The following EIF3L variants were observed in gnomAD, a reference collection of about 807,000 sequenced individuals.
EIF3L encodes eukaryotic translation initiation factor 3 subunit L.
Under a neutral mutation model 74.6 loss-of-function variants are expected in EIF3L, and 32 were observed. The ratio of observed to expected loss-of-function variants is 0.43; its 90% CI spans 0.32 to 0.58. The LOEUF (loss-of-function observed/expected upper bound fraction) is 0.58. Among genes scored for constraint, EIF3L ranks in the 20% least tolerant of loss-of-function variants. The pLI, the probability that EIF3L is intolerant of heterozygous loss-of-function variation, is 0.06. For missense variants in EIF3L, 474 were observed against 707.8 expected (o/e 0.67, Z 3.75); for synonymous variants, 256 against 254.4 (o/e 1.01, Z -0.06).
chr22:37,871,800 C>T (rs1926485987), intron 8 of EIF3L, among the ~76,000 whole-genome samples: 3 of 143,536 alleles, frequency 2.1e-5, no homozygotes, highest in Admixed American at 7.5e-5. Flanking sequence ...ACCAGGGAGG[C>T]AGAGGTTGCA....
intron 3 of EIF3L, among the ~76,000 whole-genome samples, chr22:37,852,114 T>C (rs1925260460): frequency 6.6e-6 from 1 of 152,200 alleles, no homozygotes; most frequent in African/African-American, 2.4e-5. Context: ...TGTTGGACTT[T>C]ATATCCTCAG....
At chr22:37,862,545 C>G (rs1229853399) in intron 5 of EIF3L, among the ~76,000 whole-genome samples, 2 of 152,192 alleles carry the variant, frequency 1.3e-5, no homozygotes, top group African/African-American at 4.8e-5. Flanking sequence ...GGCCCCCTGA[C>G]CTAGATGCTT....
At chr22:37,855,517 A>G (rs767188800) in intron 3 of EIF3L, 48 bp from the exon 4 acceptor site, 8 of 1,534,418 alleles carry the variant, frequency 5.2e-6, no homozygotes, top group Non-Finnish European at 6.3e-6. Flanking sequence ...TAGGATTGGC[A>G]TTCTCCAGTC....
At chr22:37,876,172 C>T in intron 10 of EIF3L, 161 bp downstream of exon 10, 2 of 706,810 alleles carry the variant, frequency 2.8e-6, no homozygotes, top group South Asian at 2.0e-5. Flanking sequence ...AATAGATCAC[C>T]CAGCTGGAGT....
chr22:37,872,464 A>G (rs1926527434), intron 8 of EIF3L, among the ~76,000 whole-genome samples: 1 of 152,112 alleles, frequency 6.6e-6, no homozygotes, highest in African/African-American at 2.4e-5. Flanking sequence ...CTGAGTTATA[A>G]AGATCTTCCA....
chr22:37,864,019 C>T (rs893405434), intron 7 of EIF3L, among the ~76,000 whole-genome samples: 1 of 151,822 alleles, frequency 6.6e-6, no homozygotes, highest in Admixed American at 6.6e-5. Context: ...GAGCCAAGAT[C>T]GTGCCACTGC....
Position 37,858,745 on chromosome 22 carries a change from GTATT to G in EIF3L, c.435+8_435+11del. 6.3e-7 allele frequency: 1 copy of G among 1,592,724 alleles called. No individual in the cohort carries two copies. The highest frequency in any genetic ancestry group is 8.5e-7 in the Non-Finnish European group (1 of 1,173,714). On this transcript the variant is annotated splice_donor_region_variant and intron_variant, in intron 5 of 12. Transcript: ENST00000652021. Reference sequence around the variant, plus strand: ...CACATATATGCCAAAGTCAGTGTAAGTATTTAAGTGTCGCAGTTTTTTTTTTGTT... The same window carrying G: ...CACATATATGCCAAAGTCAGTGTAAGTAAGTGTCGCAGTTTTTTTTTTGTT...
chr22:37,873,240 C>T (rs867260874), intron 8 of EIF3L, among the ~76,000 whole-genome samples: 20 of 151,640 alleles, frequency 1.3e-4, no homozygotes, highest in African/African-American at 4.4e-4. Flanking sequence ...ACGTCCGCCT[C>T]GGCCTCCCAA....
chr22:37,858,771 T>C (rs1417204689), intron 5 of EIF3L, 31 bp downstream of exon 5: 2 of 1,575,976 alleles, frequency 1.3e-6, no homozygotes, highest in Non-Finnish European at 8.6e-7. Flanking sequence ...GTTTTTTTTT[T>C]GTTTTTGTTT....
At chr22:37,849,936 C>A in intron 1 of EIF3L, 79 bp from the exon 2 acceptor site, 2 of 1,505,294 alleles carry the variant, frequency 1.3e-6, no homozygotes, top group Non-Finnish European at 1.8e-6. Context: ...TAGCTCTCTG[C>A]TTGGCATCTA....
At chr22:37,888,345 T>A in intron 12 of EIF3L, 81 bp from the exon 13 acceptor site, 1 of 1,477,264 alleles carries the variant, frequency 6.8e-7, no homozygotes, top group South Asian at 1.2e-5. Context: ...CAGCTGGGAA[T>A]CTGACCTAGT....
chr22:37,880,001 C>T (rs920123362), intron 11 of EIF3L: 2 of 152,120 alleles, frequency 1.3e-5, no homozygotes, highest in African/African-American at 4.8e-5. Flanking sequence ...CAGGGTTTCA[C>T]TATGTTGACC....
intron 7 of EIF3L, among the ~76,000 whole-genome samples, chr22:37,867,385 G>A (rs868017832): frequency 1.3e-5 from 2 of 152,078 alleles, no homozygotes; most frequent in African/African-American, 4.8e-5. Flanking sequence ...CTGGCCGGGC[G>A]CAGTGGCTCA....
intron 3 of EIF3L, among the ~76,000 whole-genome samples, chr22:37,854,799 T>G (rs1601753704): frequency 6.6e-6 from 1 of 152,266 alleles, no homozygotes; most frequent in African/African-American, 2.4e-5. Context: ...TCTGTTTCTG[T>G]GTTTCTCCCC....
chr22:37,874,529 T>C lies in EIF3L; in HGVS notation c.906+5T>C. ...AACATCGAACTGAACAAGAAGGTGA[T>C]GCCTATTGCCTCTGGCCCCTCTTGC... On this transcript the variant is annotated splice_donor_5th_base_variant and intron_variant, in intron 9 of 12. Transcript: ENST00000652021. 2 of 1,612,536 alleles carry C rather than the reference T, an allele frequency of 1.2e-6. No individual in the cohort carries two copies. The highest frequency in any genetic ancestry group is 1.7e-6 in the Non-Finnish European group (2 of 1,178,900).
chr22:37,870,384 T>A (rs1926406966), intron 8 of EIF3L, 37 bp downstream of exon 8: 1 of 1,548,306 alleles, frequency 6.5e-7, no homozygotes, highest in African/African-American at 1.4e-5. Flanking sequence ...GCCTGCGAAT[T>A]TCCAGCTGCT....
chr22:37,858,603 C>T (rs987396796), intron 4 of EIF3L, 76 bp from the exon 5 acceptor site: 2 of 1,313,246 alleles, frequency 1.5e-6, no homozygotes, highest in African/African-American at 3.0e-5. Flanking sequence ...CTTTATTCCT[C>T]CCCACCAAAG....
chr22:37,888,614 A>G lies in EIF3L; in HGVS notation c.*150A>G. 2.6e-6 allele frequency: 2 copies of G among 770,880 alleles called. No homozygotes were observed. The highest frequency in any genetic ancestry group is 4.3e-6 in the Non-Finnish European group (2 of 464,922). The allele number at this position is 770,880 out of a possible 1,614,324, so 47.8% of individuals were successfully genotyped here. A position where few individuals can be genotyped will look rare whatever the true frequency, so the allele number is the denominator to read the frequency against. On this transcript the variant is annotated 3_prime_UTR_variant, in exon 13 of 13. Coordinates refer to ENST00000652021, the MANE Select transcript of EIF3L (RefSeq NM_016091.4). ...AAGTGTTTCAAGTGGATCTCAGTAA[A>G]GGATCTTTGGAGCCAGATTTGTCGT...
Position 37,888,597 on chromosome 22 carries a change from CAA to C in EIF3L, c.*134_*135del. ...TAACAAGTTAAGGACCGAAGTGTTT[CAA>C]GTGGATCTCAGTAAAGGATCTTTGG... On this transcript the variant is annotated 3_prime_UTR_variant, in exon 13 of 13. Coordinates refer to ENST00000652021, the MANE Select transcript of EIF3L (RefSeq NM_016091.4). 1 of 883,692 alleles carries C rather than the reference CAA, an allele frequency of 1.1e-6. No individual in the cohort carries two copies. Among genetic ancestry groups the C allele is most frequent in the Non-Finnish European group, 1.8e-6 (1 of 551,832 alleles). The allele number at this position is 883,692 out of a possible 1,614,324, so 54.7% of individuals were successfully genotyped here.
Sources: allele counts gnomAD v4.1 joint callset (sites outside exome capture counted in the v4.1 genomes callset), GRCh38; gene constraint gnomAD v4.1.1; transcripts MANE v1.5; gene names NCBI Gene and HGNC (gene_info 2026-07-23, HGNC 2026-07-21).